PCDHA2: variants seen among roughly 807,000 people sequenced by gnomAD.
PCDHA2 encodes the protein protocadherin alpha-2.
PCDHA2 carries 58 observed loss-of-function variants against 66.0 expected under a neutral mutation model. The observed-to-expected ratio is 0.88, with a 90% CI of 0.71 to 1.09. The LOEUF (loss-of-function observed/expected upper bound fraction) is 1.09. Ranked by LOEUF, PCDHA2 falls within the 50% of genes least tolerant of loss-of-function variation. The probability of loss-of-function intolerance (pLI) is 0.00; values close to 1 mark genes in which losing one functional copy is unlikely to be tolerated. For missense variants in PCDHA2, 1,267 were observed against 1,242.3 expected, an observed-to-expected ratio of 1.02 and a Z score of -0.30; for synonymous variants, 634 against 554.0, an observed-to-expected ratio of 1.14 and a Z score of -2.03.
intron 1 of PCDHA2, chr5:140,869,166 C>A: frequency 6.2e-7 from 1 of 1,613,866 alleles, no homozygotes; most frequent in South Asian, 1.1e-5. Context: ...TTCTCCTCCT[C>A]GAATTCTGGG....
At chr5:140,946,752 A>C (rs1470208958) in intron 1 of PCDHA2, among the ~76,000 whole-genome samples, 1 of 151,470 alleles carries the variant, frequency 6.6e-6, no homozygotes, top group East Asian at 1.9e-4. Context: ...CAAATACTGC[A>C]TGATCTCATT....
chr5:140,961,915 G>T (rs1393178053), intron 1 of PCDHA2, among the ~76,000 whole-genome samples: 4 of 146,912 alleles, frequency 2.7e-5, no homozygotes, highest in Non-Finnish European at 4.5e-5. Context: ...ATGGAGTCTC[G>T]CTCTGTTGCC....
At chr5:140,985,619 G>A (rs961379624) in intron 3 of PCDHA2, among the ~76,000 whole-genome samples, 1 of 152,064 alleles carries the variant, frequency 6.6e-6, no homozygotes, top group Non-Finnish European at 1.5e-5. Flanking sequence ...TGAACCAGCT[G>A]TGTATTGCTC....
At chr5:140,807,470 C>T in intron 1 of PCDHA2, 1 of 1,612,788 alleles carries the variant, frequency 6.2e-7, no homozygotes, top group South Asian at 1.1e-5. Context: ...CCGGGAGGAG[C>T]TGTGCCGGCG....
intron 1 of PCDHA2, among the ~76,000 whole-genome samples, chr5:140,978,524 C>G (rs1554239389): frequency 2.0e-5 from 3 of 152,208 alleles, no homozygotes; most frequent in Admixed American, 6.5e-5. Context: ...TCCAGCCAGG[C>G]CAGCAGAACT....
intron 3 of PCDHA2, among the ~76,000 whole-genome samples, chr5:140,983,265 T>C (rs553920702): frequency 6.6e-6 from 1 of 152,200 alleles, no homozygotes; most frequent in Non-Finnish European, 1.5e-5. Flanking sequence ...AAAAACCTAA[T>C]GGCTGGGTGA....
chr5:140,802,814 T>G (rs145590069), intron 1 of PCDHA2: 1 of 1,613,428 alleles, frequency 6.2e-7, no homozygotes, highest in East Asian at 2.2e-5. Flanking sequence ...GTGCGCGCGA[T>G]GCGGGCGTGC....
At chr5:140,880,173 C>T (rs2058257400) in intron 1 of PCDHA2, among the ~76,000 whole-genome samples, 1 of 152,006 alleles carries the variant, frequency 6.6e-6, no homozygotes, top group Non-Finnish European at 1.5e-5. Context: ...AGAAGTTAAA[C>T]ATGAAGGGAA....
chr5:140,811,375 A>G (rs1285698488), intron 1 of PCDHA2: 1 of 152,208 alleles, frequency 6.6e-6, no homozygotes, highest in Non-Finnish European at 1.5e-5. Flanking sequence ...TCCATGGTGT[A>G]TATGTGTCAC....
In PCDHA2 at chr5:140,868,915, G is replaced by C. The variant is rs1164548445; in HGVS notation, c.2388+71563G>C. On this transcript the variant is annotated intron_variant, in intron 1 of 3. Coordinates refer to ENST00000526136, the MANE Select transcript of PCDHA2 (RefSeq NM_018905.3). ...GCAAGGTGTCGCTCTTTACTTGGTG[G>C]AAAGTTCATTTAAAGGTTGGTCTGA... The C allele has an allele frequency of 7.4e-6, 7 of 948,738 alleles. No individual in the cohort carries two copies. In the East Asian group the frequency reaches 1.6e-4, roughly 22 times the overall value. The allele number at this position is 948,738 out of a possible 1,614,324, so 58.8% of individuals were successfully genotyped here. A position where few individuals can be genotyped will look rare whatever the true frequency, so the allele number is the denominator to read the frequency against.
At chr5:140,903,725 T>C (rs2070536820) in intron 1 of PCDHA2, among the ~76,000 whole-genome samples, 1 of 152,256 alleles carries the variant, frequency 6.6e-6, no homozygotes. Context: ...TTCTCCCTAT[T>C]ATCAATTATT....
rs79247475 is a variant in PCDHA2 at position 140,982,540 on chromosome 5, C to G, written c.2513C>G (p.Pro838Arg). The G allele has an allele frequency of 4.3e-3, 6,927 of 1,614,122 alleles. 34 individuals are homozygous for G. The highest frequency in any genetic ancestry group is 5.0e-3 in the South Asian group (455 of 91,080). Residue 838 changes from proline to arginine, a missense_variant, in exon 3 of 4, where the codon CCA becomes CGA. Physicochemically the swap from Pro to Arg is moderately radical, Grantham distance 103. Transcript: ENST00000526136. ...AGPGGPDQQW[P>R]TVSSATPEPE... ...CCAGGAGGGCCTGATCAGCAGTGGC[C>G]AACAGTATCCAGTGCAACACCAGGT...
intron 1 of PCDHA2, among the ~76,000 whole-genome samples, chr5:140,921,801 A>T (rs1450383901): frequency 6.6e-6 from 1 of 152,286 alleles, no homozygotes. Context: ...ATAACACAAG[A>T]TAAGATACAT....
Position 140,796,681 on chromosome 5 carries a change from G to A in PCDHA2, c.1717G>A (p.Ala573Thr), listed in dbSNP as rs1477834475. 2.5e-6 allele frequency: 4 copies of A among 1,613,782 alleles called. No individual in the cohort carries two copies. Among genetic ancestry groups the A allele is most frequent in the African/African-American group, 2.7e-5 (2 of 74,948 alleles). The part of the protein sequence containing the change: ...PALLAPRAGT[A>T]AGAVSELVPW... Reference sequence around the variant, plus strand: ...ACTGTTGGCGCCTAGGGCTGGCACCGCTGCTGGCGCAGTGAGTGAGCTGGT... The same window carrying A: ...ACTGTTGGCGCCTAGGGCTGGCACCACTGCTGGCGCAGTGAGTGAGCTGGT... The change falls in exon 1 of 4, where the codon GCT (alanine) becomes ACT (threonine). Residue 573 changes from alanine (A) to threonine (T), a missense_variant. Transcript: ENST00000526136.
chr5:140,902,637 C>T (rs1554190530), intron 1 of PCDHA2, among the ~76,000 whole-genome samples: 1 of 151,910 alleles, frequency 6.6e-6, no homozygotes, highest in Non-Finnish European at 1.5e-5. Context: ...GTGGTGATTT[C>T]TGAGATTTTG....
At chr5:141,005,701 CAAAAAAAAAAAAAAAAAAAA>C (rs59860837) in intron 3 of PCDHA2, among the ~76,000 whole-genome samples, 1 of 7,786 alleles carries the variant, frequency 1.3e-4, no homozygotes, top group Admixed American at 1.6e-3. Flanking sequence ...AACTCCGTCT[CAAAAAAAAAAAAAAAAAAAA>C]AAAAAAAAAA....
At chr5:140,851,826 T>A (rs2042172303) in intron 1 of PCDHA2, 1 of 965,750 alleles carries the variant, frequency 1.0e-6, no homozygotes, top group Non-Finnish European at 1.3e-6. Context: ...GAAATCTGTT[T>A]TTTTAAAAAT....
chr5:140,860,407 G>C (rs2046379214), intron 1 of PCDHA2: 1 of 151,974 alleles, frequency 6.6e-6, no homozygotes, highest in African/African-American at 2.4e-5. Flanking sequence ...AAAAGCAATA[G>C]TAACACCATT....
At chr5:140,824,440 T>A in intron 1 of PCDHA2, 1 of 476,522 alleles carries the variant, frequency 2.1e-6, no homozygotes, top group East Asian at 3.6e-5. Context: ...AGTTTCAGTT[T>A]ATGACTACAT....
Sources: allele counts gnomAD v4.1 joint callset (sites outside exome capture counted in the v4.1 genomes callset), GRCh38; gene constraint gnomAD v4.1.1; transcripts MANE v1.5; gene names NCBI Gene and HGNC (gene_info 2026-07-23, HGNC 2026-07-21).